CDK14: variants seen among roughly 807,000 people sequenced by gnomAD.
CDK14 encodes cyclin dependent kinase 14, also known as cyclin-dependent kinase 14.
In CDK14, 34 loss-of-function variants were observed where a neutral mutation model predicts 60.7. The observed-to-expected ratio is 0.56, with a 90% CI of 0.43 to 0.75. The LOEUF (loss-of-function observed/expected upper bound fraction) is 0.75, where lower values mean the gene tolerates loss of function less well. Ranked by LOEUF, CDK14 falls within the 30% of genes least tolerant of loss-of-function variation. CDK14 has a pLI of 0.00. For synonymous variants in CDK14, 197 were observed against 203.7 expected, an observed-to-expected ratio of 0.97 and a Z score of 0.28; for missense variants, 482 against 564.1, an observed-to-expected ratio of 0.85 and a Z score of 1.47.
chr7:90,949,456 C>T (rs189013754), intron 8 of CDK14, among the ~76,000 whole-genome samples: 4 of 152,138 alleles, frequency 2.6e-5, no homozygotes, highest in Admixed American at 2.6e-4. Flanking sequence ...CCTGCCATGG[C>T]CTCCTAAAGT....
intron 11 of CDK14, among the ~76,000 whole-genome samples, chr7:91,065,099 GAAGTTGCTCAAAGATTACTCATTTAGAA>G (rs1373125378): frequency 6.6e-6 from 1 of 152,214 alleles, no homozygotes; most frequent in East Asian, 1.9e-4. Context: ...TTTGTTTCCA[GAAGTTGCTCAAAGATTACTCATTTAGAA>G]AAGCATGCTG....
chr7:91,064,414 C>A (rs1014460534), intron 11 of CDK14, among the ~76,000 whole-genome samples: 1 of 152,190 alleles, frequency 6.6e-6, no homozygotes, highest in African/African-American at 2.4e-5. Context: ...ACAAATTGGT[C>A]AATGTCTCTG....
rs1031105586 is a variant in CDK14, at chr7:90,832,441, T to C, written c.545-30734T>C. Among the ~76,000 whole-genome samples, 13 of 152,198 alleles carry C rather than the reference T, an allele frequency of 8.5e-5. No homozygotes were observed. The East Asian group carries it at 2.5e-3, about 29-fold the overall frequency. ...GGACCCATAGCTGATTGACTTAGGCTTCCTAAAGTAGCTTGTCATTTTCAG... is the reference window on the plus strand; with the variant it reads ...GGACCCATAGCTGATTGACTTAGGCCTCCTAAAGTAGCTTGTCATTTTCAG... On this transcript the variant is annotated intron_variant, in intron 5 of 14. Coordinates refer to ENST00000380050, the MANE Select transcript of CDK14 (RefSeq NM_001287135.2).
chr7:91,208,440 T>C lies in CDK14; in HGVS notation c.*1304T>C, dbSNP rs1440682520. 1 of 152,544 alleles carries C rather than the reference T, an allele frequency of 6.6e-6. No individual in the cohort carries two copies. Among genetic ancestry groups the C allele is most frequent in the Non-Finnish European group, 1.5e-5 (1 of 68,076 alleles). 9.4% of individuals were successfully genotyped at this position (152,544 alleles called of 1,614,324 possible). On this transcript the variant is annotated 3_prime_UTR_variant, in exon 15 of 15. Transcript: ENST00000380050. ...CGGCTCCCAGTGGGGCAGGCCTCGC[T>C]GCAGAATGCCCAGTAGTACTGCGGC... is the stretch of plus-strand genomic sequence containing the variant.
chr7:91,031,103 A>G (rs1796746989), intron 10 of CDK14, among the ~76,000 whole-genome samples: 1 of 152,194 alleles, frequency 6.6e-6, no homozygotes, highest in Non-Finnish European at 1.5e-5. Context: ...ACCACCATGT[A>G]GAGAATTGTT....
At chr7:90,828,964 T>C (rs1055923095) in intron 5 of CDK14, among the ~76,000 whole-genome samples, 2 of 152,258 alleles carry the variant, frequency 1.3e-5, no homozygotes, top group Middle Eastern at 3.4e-3. Context: ...CTCACAGATC[T>C]GCATGTCTGG....
intron 10 of CDK14, among the ~76,000 whole-genome samples, chr7:91,039,911 A>G (rs956012034): frequency 6.6e-6 from 1 of 151,908 alleles, no homozygotes; most frequent in East Asian, 1.9e-4. Flanking sequence ...ACACAGTGGG[A>G]CCCCATCTCT....
chr7:91,205,844 G>A (rs1284321919), intron 14 of CDK14, among the ~76,000 whole-genome samples: 1 of 151,908 alleles, frequency 6.6e-6, no homozygotes, highest in African/African-American at 2.4e-5. Flanking sequence ...TGCCCAGGCT[G>A]GGGTGCCGTG....
chr7:90,862,140 C>T (rs1791029205), intron 5 of CDK14, among the ~76,000 whole-genome samples: 1 of 151,994 alleles, frequency 6.6e-6, no homozygotes, highest in Non-Finnish European at 1.5e-5. Flanking sequence ...GACTAAATTG[C>T]AAGGTACCTA....
At chr7:91,103,844 AAGAG>A (rs35892260) in intron 12 of CDK14, among the ~76,000 whole-genome samples, 127 of 144,896 alleles carry the variant, frequency 8.8e-4, no homozygotes, top group East Asian at 5.9e-3. Context: ...GAGAGAGAGA[AAGAG>A]AGAGAGAGAG....
chr7:90,990,212 A>T (rs972543343), intron 10 of CDK14, among the ~76,000 whole-genome samples: 1 of 152,168 alleles, frequency 6.6e-6, no homozygotes, highest in Non-Finnish European at 1.5e-5. Flanking sequence ...CAGGAGTTCA[A>T]GGCTGCAGTG....
chr7:91,174,317 C>T (rs1801647171), intron 14 of CDK14, among the ~76,000 whole-genome samples: 1 of 151,748 alleles, frequency 6.6e-6, no homozygotes, highest in African/African-American at 2.4e-5. Flanking sequence ...ACATCACCAT[C>T]ATCAAAGATC....
chr7:90,783,647 A>T (rs1172437548), intron 4 of CDK14, among the ~76,000 whole-genome samples: 1 of 152,208 alleles, frequency 6.6e-6, no homozygotes, highest in Non-Finnish European at 1.5e-5. Flanking sequence ...AAAAGAAGAG[A>T]TATGCATGTT....
At chr7:91,141,703 T>C in intron 14 of CDK14, among the ~76,000 whole-genome samples, 1 of 152,154 alleles carries the variant, frequency 6.6e-6, no homozygotes. Context: ...TTATAGTGTC[T>C]TTCTCTTACT....
chr7:91,036,995 T>C (rs1159872946), intron 10 of CDK14, among the ~76,000 whole-genome samples: 1 of 152,224 alleles, frequency 6.6e-6, no homozygotes, highest in East Asian at 1.9e-4. Context: ...GGGGTGAGCT[T>C]AGAGTCAACC....
chr7:90,825,338 T>G (rs1789685684), intron 5 of CDK14, among the ~76,000 whole-genome samples: 1 of 152,098 alleles, frequency 6.6e-6, no homozygotes. Flanking sequence ...GTCTAGCAAG[T>G]GAGGTTTGTA....
At chr7:90,778,861 TTCCTTCC>T (rs1805169456) in intron 4 of CDK14, among the ~76,000 whole-genome samples, 1 of 104,654 alleles carries the variant, frequency 9.6e-6, no homozygotes, top group Non-Finnish European at 1.9e-5. Flanking sequence ...CCTTCCTTCC[TTCCTTCC>T]TTCCTTCCTT....
intron 12 of CDK14, among the ~76,000 whole-genome samples, chr7:91,089,306 C>T (rs146654204): frequency 4.6e-5 from 7 of 152,148 alleles, no homozygotes; most frequent in Middle Eastern, 3.4e-3. Flanking sequence ...TCAGGGAAAA[C>T]GGCATGATAG....
intron 9 of CDK14, among the ~76,000 whole-genome samples, chr7:90,967,750 A>G (rs1190011202): frequency 6.6e-6 from 1 of 152,240 alleles, no homozygotes; most frequent in Non-Finnish European, 1.5e-5. Flanking sequence ...TCCAAAAAAA[A>G]GCTTGCTGTT....
Sources: gnomAD v4.1 joint callset for allele counts (sites outside exome capture counted in the v4.1 genomes callset) on GRCh38, gnomAD v4.1.1 for gene constraint, MANE v1.5 for transcripts, NCBI Gene and HGNC (gene_info 2026-07-23, HGNC 2026-07-21) for gene names.